The following SORCS1 variants were observed in gnomAD, a reference collection of about 807,000 sequenced individuals.
The protein encoded by SORCS1 is sortilin related VPS10 domain containing receptor 1.
In SORCS1, 60 loss-of-function variants were observed where a neutral mutation model predicts 146.1. The observed-to-expected ratio is 0.41, with a 90% CI of 0.33 to 0.51. The LOEUF (loss-of-function observed/expected upper bound fraction) is 0.51, where lower values mean the gene tolerates loss of function less well. Ranked by LOEUF, SORCS1 falls within the 20% of genes least tolerant of loss-of-function variation. SORCS1 has a pLI of 0.21. For missense variants in SORCS1, 1,352 were observed against 1,487.6 expected (o/e 0.91, Z 1.50); for synonymous variants, 637 against 584.0 (o/e 1.09, Z -1.31).
At chr10:106,814,758 C>CA (rs991061658) in intron 3 of SORCS1, among the ~76,000 whole-genome samples, 1 of 151,278 alleles carries the variant, frequency 6.6e-6, no homozygotes, top group Non-Finnish European at 1.5e-5. Flanking sequence ...ACTAAAAATA[C>CA]AAAAAAATTA....
At chr10:106,982,656 TG>T (rs1956285472) in intron 1 of SORCS1, among the ~76,000 whole-genome samples, 1 of 152,230 alleles carries the variant, frequency 6.6e-6, no homozygotes, top group Admixed American at 6.5e-5. Flanking sequence ...CTTACGGATT[TG>T]ACTTTGCCCT....
chr10:106,856,578 C>T (rs1381287968), intron 2 of SORCS1, among the ~76,000 whole-genome samples: 1 of 152,150 alleles, frequency 6.6e-6, no homozygotes, highest in South Asian at 2.1e-4. Context: ...AATGCTCTGG[C>T]GTATTTCAAA....
rs76998570 is a variant in SORCS1 at position 107,088,813 on chromosome 10, T to G, written c.558+75156A>C. ...CATGAACAACTTCTATTGTAGCCCC[T>G]GAATTTGTCATGGTTCCTCCATTTC... is the stretch of plus-strand genomic sequence containing the variant. On this transcript the variant is annotated intron_variant, in intron 1 of 25. Coordinates refer to ENST00000263054, the MANE Select transcript of SORCS1 (RefSeq NM_052918.5). Among the ~76,000 whole-genome samples the G allele has an allele frequency of 5.9e-3, 899 of 152,316 alleles. 6 individuals carry two copies. Among genetic ancestry groups the G allele is most frequent in the Non-Finnish European group, 7.6e-3 (520 of 68,020 alleles).
chr10:106,723,142 G>A (rs979545513), intron 6 of SORCS1, among the ~76,000 whole-genome samples: 1 of 152,138 alleles, frequency 6.6e-6, no homozygotes, highest in Non-Finnish European at 1.5e-5. Flanking sequence ...GCAACATGGT[G>A]AGACCTTATC....
chr10:107,150,601 C>T (rs1052347219), intron 1 of SORCS1, among the ~76,000 whole-genome samples: 3 of 152,230 alleles, frequency 2.0e-5, no homozygotes, highest in African/African-American at 7.2e-5. Flanking sequence ...GTTCTTCTCA[C>T]TCACTGATAT....
intron 3 of SORCS1, among the ~76,000 whole-genome samples, chr10:106,784,743 T>G (rs112621866): frequency 5.1e-4 from 77 of 152,342 alleles, no homozygotes; most frequent in African/African-American, 1.8e-3. Flanking sequence ...CAAGAAATGA[T>G]GTTCATTTAA....
intron 1 of SORCS1, among the ~76,000 whole-genome samples, chr10:107,047,742 G>A (rs1235176960): frequency 1.3e-5 from 2 of 151,996 alleles, no homozygotes; most frequent in African/African-American, 4.8e-5. Context: ...GTTGTTCCCT[G>A]AAAATGGAGA....
At chr10:106,761,860 A>G (rs1226437871) in intron 4 of SORCS1, among the ~76,000 whole-genome samples, 199 bp from the exon 5 acceptor site, 1 of 152,234 alleles carries the variant, frequency 6.6e-6, no homozygotes, top group Non-Finnish European at 1.5e-5. Context: ...ATCATTTTAC[A>G]GTTGAGGAAA....
At chr10:107,072,954 C>T (rs886625889) in intron 1 of SORCS1, among the ~76,000 whole-genome samples, 1 of 152,136 alleles carries the variant, frequency 6.6e-6, no homozygotes, top group Non-Finnish European at 1.5e-5. Context: ...GATACAAAGG[C>T]CCCTTGTGCC....
chr10:106,976,343 T>TTTTTTTTTG (rs1564878128), intron 1 of SORCS1, among the ~76,000 whole-genome samples: 2,019 of 36,046 alleles, frequency 0.056, 63 homozygotes, highest in African/African-American at 0.28. Context: ...GTTTTTTTTT[T>TTTTTTTTTG]TTTTTTGAGA....
intron 18 of SORCS1, among the ~76,000 whole-genome samples, chr10:106,638,428 T>C (rs975572738): frequency 3.3e-5 from 5 of 151,782 alleles, no homozygotes; most frequent in African/African-American, 1.2e-4. Flanking sequence ...ATTGGGAAAA[T>C]ACAGAAATAC....
chr10:106,608,860 C>G (rs974409083), intron 22 of SORCS1, among the ~76,000 whole-genome samples: 3 of 152,320 alleles, frequency 2.0e-5, no homozygotes, highest in East Asian at 1.9e-4. Flanking sequence ...CGAGGGGAGA[C>G]AGAATGGCCC....
At chr10:107,173,342 A>G in the SORCS1 span, among the ~76,000 whole-genome samples, 4 of 152,174 alleles carry the variant, frequency 2.6e-5, no homozygotes, top group African/African-American at 9.7e-5. Context: ...ATTGTATTAT[A>G]TACTGGAAAT....
At chr10:106,872,513 T>C (rs547450327) in intron 2 of SORCS1, among the ~76,000 whole-genome samples, 3 of 152,176 alleles carry the variant, frequency 2.0e-5, no homozygotes, top group African/African-American at 7.2e-5. Context: ...TTTACTAAGG[T>C]TTTAATAGAA....
intron 1 of SORCS1, among the ~76,000 whole-genome samples, chr10:107,052,791 A>C (rs1960245341): frequency 6.6e-6 from 1 of 152,056 alleles, no homozygotes; most frequent in Non-Finnish European, 1.5e-5. Context: ...TGAAATTTGT[A>C]AATTATATTC....
the SORCS1 span, among the ~76,000 whole-genome samples, chr10:107,178,631 G>A: frequency 6.6e-6 from 1 of 151,906 alleles, no homozygotes; most frequent in Non-Finnish European, 1.5e-5. Flanking sequence ...TGGGACTATA[G>A]GTGCATGCCA....
intron 2 of SORCS1, among the ~76,000 whole-genome samples, chr10:106,870,287 A>G (rs75375744): frequency 0.019 from 2,856 of 152,348 alleles, 101 homozygotes; most frequent in African/African-American, 0.065. Context: ...CTACAGATTC[A>G]ATGTTATTCT....
chr10:106,652,657 GCACC>G, intron 17 of SORCS1, 104 bp from the exon 18 acceptor site: 1 of 1,256,710 alleles, frequency 8.0e-7, no homozygotes, highest in Non-Finnish European at 1.1e-6. Context: ...CCATCAGTAA[GCACC>G]TAACCATCTT....
At chr10:106,621,399 G>A (rs982284565) in intron 19 of SORCS1, among the ~76,000 whole-genome samples, 1 of 151,738 alleles carries the variant, frequency 6.6e-6, no homozygotes, top group African/African-American at 2.4e-5. Context: ...GTAGAGGAGA[G>A]AGCAATACCT....
Sources: allele counts gnomAD v4.1 joint callset (sites outside exome capture counted in the v4.1 genomes callset), GRCh38; gene constraint gnomAD v4.1.1; transcripts MANE v1.5; gene names NCBI Gene and HGNC (gene_info 2026-07-23, HGNC 2026-07-21).